RAF1: variants seen among roughly 807,000 people sequenced by gnomAD.
The protein encoded by RAF1 is RAF proto-oncogene serine/threonine-protein kinase.
A neutral mutation model predicts 81.1 loss-of-function variants in RAF1; 27 were observed. That is an observed-to-expected ratio of 0.33 (90% confidence interval 0.25 to 0.46). The LOEUF is 0.46. RAF1 is among the 20% of genes least tolerant of loss of function. The probability of loss-of-function intolerance (pLI) is 1.00; values close to 1 mark genes in which losing one functional copy is unlikely to be tolerated. For synonymous variants in RAF1, 298 were observed against 294.0 expected, an observed-to-expected ratio of 1.01 and a Z score of -0.14; for missense variants, 598 against 826.0, an observed-to-expected ratio of 0.72 and a Z score of 3.38.
chr3:12,656,280 T>C (rs928527099), intron 1 of RAF1, among the ~76,000 whole-genome samples: 38 of 151,920 alleles, frequency 2.5e-4, no homozygotes, highest in Non-Finnish European at 1.2e-4. Flanking sequence ...ATCTAAAACC[T>C]ATGAATGCAA....
intron 11 of RAF1, among the ~76,000 whole-genome samples, chr3:12,595,215 G>GGT (rs1399481417): frequency 6.6e-6 from 1 of 151,984 alleles, no homozygotes; most frequent in Non-Finnish European, 1.5e-5. Context: ...CTACAATACA[G>GGT]GTGTGCATCA....
chr3:12,655,004 C>CA (rs955377279), intron 1 of RAF1, among the ~76,000 whole-genome samples: 15 of 145,736 alleles, frequency 1.0e-4, no homozygotes, highest in Non-Finnish European at 2.0e-4. Context: ...AGTGAGACCC[C>CA]CCCCCCGCCA....
chr3:12,642,370 G>A (rs1275756828), intron 1 of RAF1, among the ~76,000 whole-genome samples: 25 of 150,780 alleles, frequency 1.7e-4, no homozygotes, highest in African/African-American at 5.6e-4. Flanking sequence ...CTAGCCAGGC[G>A]TAGTGGCAGG....
intron 1 of RAF1, among the ~76,000 whole-genome samples, chr3:12,645,084 C>A (rs5746172): frequency 2.7e-3 from 317 of 119,536 alleles, no homozygotes; most frequent in Non-Finnish European, 4.2e-3. Flanking sequence ...GGTGACAGAG[C>A]GAGACTCAGT....
Position 12,614,415 on chromosome 3 carries a change from T to TGC in RAF1, c.208-2354_208-2353insGC, listed in dbSNP as rs1301908685. Among the ~76,000 whole-genome samples, 19 of 95,010 alleles carry TGC rather than the reference T, an allele frequency of 2.0e-4. No homozygotes were observed. The South Asian group carries it at 2.2e-3, about 11-fold the overall frequency. 62.3% of individuals were successfully genotyped at this position (95,010 alleles called of 152,430 possible). ...TTGTTATTTTCTCTACGTGCGTGCGTGTGTGTGTGTGTGTAAAATCTATAT... is the reference window on the plus strand; with the variant it reads ...TTGTTATTTTCTCTACGTGCGTGCGTGCGTGTGTGTGTGTGTAAAATCTATAT... On this transcript the variant is annotated intron_variant, in intron 2 of 17. Coordinates refer to ENST00000442415, the MANE Select transcript of RAF1 (RefSeq NM_001354689.3).
chr3:12,641,384 T>C (rs192672029), intron 1 of RAF1, among the ~76,000 whole-genome samples: 3 of 150,824 alleles, frequency 2.0e-5, no homozygotes, highest in Non-Finnish European at 3.0e-5. Context: ...AAAAAGAATG[T>C]ACAGAAAGAT....
At chr3:12,663,334 G>T (rs1296873718) in intron 1 of RAF1, among the ~76,000 whole-genome samples, 1 of 152,170 alleles carries the variant, frequency 6.6e-6, no homozygotes, top group East Asian at 1.9e-4. Context: ...CTGTGCCTTT[G>T]TGGTAGGGCA....
intron 10 of RAF1, 35 bp downstream of exon 9, chr3:12,600,117 C>G (rs1357255178): frequency 2.5e-6 from 4 of 1,613,542 alleles, no homozygotes; most frequent in Non-Finnish European, 2.5e-6. Context: ...CTTACTGAAC[C>G]CTAATTGGCA....
intron 1 of RAF1, among the ~76,000 whole-genome samples, chr3:12,634,507 AT>A (rs957795273): frequency 2.7e-4 from 40 of 150,820 alleles, no homozygotes; most frequent in African/African-American, 9.4e-4. Context: ...AAGACTTAGG[AT>A]ATAGGAAACG....
At chr3:12,617,840 CTGCA>C (rs2059421693) in intron 2 of RAF1, among the ~76,000 whole-genome samples, 1 of 141,918 alleles carries the variant, frequency 7.0e-6, no homozygotes, top group Admixed American at 7.6e-5. Flanking sequence ...TTGCAGTGAG[CTGCA>C]CTCCAGCCTG....
intron 13 of RAF1, 173 bp downstream of exon 12, chr3:12,590,625 T>C: frequency 1.3e-6 from 1 of 753,814 alleles, no homozygotes; most frequent in Non-Finnish European, 2.2e-6. Context: ...CCCACCCAGC[T>C]GGAACCTGAA....
intron 1 of RAF1, among the ~76,000 whole-genome samples, chr3:12,628,995 C>T (rs1014747908): frequency 6.6e-6 from 1 of 152,118 alleles, no homozygotes; most frequent in African/African-American, 2.4e-5. Flanking sequence ...AAGTGATTCA[C>T]CAGCTTGTCT....
chr3:12,658,512 G>T (rs1023577221), intron 1 of RAF1, among the ~76,000 whole-genome samples: 18 of 152,140 alleles, frequency 1.2e-4, no homozygotes, highest in African/African-American at 4.3e-4. Flanking sequence ...TGAGGCAGGA[G>T]AATCGCTTGA....
chr3:12,600,378 G>A lies in RAF1; in HGVS notation c.922+10C>T. 6.2e-7 allele frequency: 1 copy of A among 1,614,082 alleles called. No individual in the cohort carries two copies. The highest frequency in any genetic ancestry group is 2.2e-5 in the East Asian group (1 of 44,886). On this transcript the variant is annotated intron_variant, in intron 9 of 17. Coordinates refer to ENST00000442415, the MANE Select transcript of RAF1 (RefSeq NM_001354689.3). Reference sequence around the variant, plus strand: ...CCATTATTGTTGGCTAAATGACTATGGAAAAGTACCTGATTCGCTGTGACT... The same window carrying A: ...CCATTATTGTTGGCTAAATGACTATAGAAAAGTACCTGATTCGCTGTGACT...
In RAF1 at chr3:12,606,222, G is replaced by T. The variant is rs997988758; in HGVS notation, c.659C>A (p.Ser220Tyr). The T allele has an allele frequency of 6.2e-7, 1 of 1,613,796 alleles. No individual in the cohort carries two copies. The highest frequency in any genetic ancestry group is 1.7e-5 in the Admixed American group (1 of 60,020). The change falls in exon 6 of 18, where the codon TCT becomes TAT. Residue 220 changes from serine to tyrosine, a missense_variant. By Grantham distance (144) the Ser-to-Tyr change is moderately radical. Transcript: ENST00000442415. ...TTACCTAACAGGCATCCTGGAAACA[G>T]ACTCTCGCATACGACGCATAGTCAA... is the stretch of plus-strand genomic sequence containing the variant.
At chr3:12,585,302 G>C (rs2125323708) in intron 15 of RAF1, 49 bp from the exon 15 acceptor site, 2 of 1,611,060 alleles carry the variant, frequency 1.2e-6, no homozygotes, top group South Asian at 1.1e-5. Flanking sequence ...CATATGACAG[G>C]CCTCACAGAC....
In RAF1 at chr3:12,604,128, C is replaced by T. The variant is rs727504615; in HGVS notation, c.834+8G>A. On this transcript the variant is annotated splice_region_variant and intron_variant, in intron 7 of 17. Transcript: ENST00000442415. ...ACTGACATTACCACCCCCAAGGTGC[C>T]CTATTACCTCAATCATCCTGCTGTC... The T allele has an allele frequency of 6.2e-6, 10 of 1,614,000 alleles. No individual in the cohort carries two copies. The highest frequency in any genetic ancestry group is 4.5e-5 in the East Asian group (2 of 44,886).
intron 1 of RAF1, among the ~76,000 whole-genome samples, chr3:12,638,880 T>C (rs1461153250): frequency 1.3e-5 from 2 of 152,188 alleles, no homozygotes; most frequent in Non-Finnish European, 2.9e-5. Context: ...AAAAGAAATG[T>C]AAAAATGTGT....
intron 1 of RAF1, among the ~76,000 whole-genome samples, chr3:12,632,321 T>C (rs2125500697): frequency 1.5e-5 from 1 of 68,944 alleles, no homozygotes; most frequent in Middle Eastern, 6.3e-3. Context: ...CAAAACTCCG[T>C]CTCAAAAAAA....
Sources: gnomAD v4.1 joint callset for allele counts (sites outside exome capture counted in the v4.1 genomes callset) on GRCh38, gnomAD v4.1.1 for gene constraint, MANE v1.5 for transcripts, NCBI Gene and HGNC (gene_info 2026-07-23, HGNC 2026-07-21) for gene names.